CNTN4: variants seen among roughly 807,000 people sequenced by gnomAD.
CNTN4 encodes the protein contactin-4.
CNTN4 carries 77 observed loss-of-function variants against 122.5 expected under a neutral mutation model. The observed-to-expected ratio is 0.63, with a 90% CI of 0.52 to 0.76. The LOEUF is 0.76. Ranked by LOEUF, CNTN4 falls within the 30% of genes least tolerant of loss-of-function variation. The pLI is 0.00. For missense variants in CNTN4, 1,256 were observed against 1,259.1 expected, an observed-to-expected ratio of 1.00 and a Z score of 0.04; for synonymous variants, 512 against 447.0, an observed-to-expected ratio of 1.15 and a Z score of -1.83.
At chr3:2,882,192 G>C in intron 8 of CNTN4, among the ~76,000 whole-genome samples, 1 of 151,996 alleles carries the variant, frequency 6.6e-6, no homozygotes, top group South Asian at 2.1e-4. Context: ...GTGAAACCCC[G>C]TCTCCACTAA....
chr3:2,802,857 A>G (rs2092380961), intron 6 of CNTN4, among the ~76,000 whole-genome samples: 1 of 137,838 alleles, frequency 7.3e-6, no homozygotes, highest in Non-Finnish European at 1.7e-5. Flanking sequence ...CAAAACTTTA[A>G]TACTTTTAGA....
chr3:2,158,248 A>C (rs945161968), intron 2 of CNTN4, among the ~76,000 whole-genome samples: 1 of 152,260 alleles, frequency 6.6e-6, no homozygotes, highest in African/African-American at 2.4e-5. Flanking sequence ...TTTCCCCAAA[A>C]GTATTAATGT....
chr3:2,905,006 G>A (rs1381436072), intron 12 of CNTN4, among the ~76,000 whole-genome samples: 2 of 152,234 alleles, frequency 1.3e-5, no homozygotes, highest in East Asian at 3.9e-4. Context: ...CCTACCCATA[G>A]CTGAAAATAA....
At chr3:2,609,333 G>C (rs1327586263) in intron 4 of CNTN4, among the ~76,000 whole-genome samples, 1 of 152,218 alleles carries the variant, frequency 6.6e-6, no homozygotes, top group South Asian at 2.1e-4. Context: ...TGAGGACACG[G>C]TATTCAAGGT....
chr3:2,621,880 T>C (rs1353872417), intron 4 of CNTN4, among the ~76,000 whole-genome samples: 4 of 152,126 alleles, frequency 2.6e-5, no homozygotes, highest in Non-Finnish European at 5.9e-5. Flanking sequence ...ATTGATGTTC[T>C]CTCTGGGATC....
At chr3:2,650,654 G>T (rs887972814) in intron 4 of CNTN4, among the ~76,000 whole-genome samples, 4 of 152,192 alleles carry the variant, frequency 2.6e-5, no homozygotes, top group Non-Finnish European at 5.9e-5. Context: ...TGATCAGTCA[G>T]CAGCCATCTT....
intron 4 of CNTN4, among the ~76,000 whole-genome samples, chr3:2,573,986 G>T (rs1317585986): frequency 6.6e-6 from 1 of 152,282 alleles, no homozygotes; most frequent in South Asian, 2.1e-4. Flanking sequence ...GGAGGCCGAG[G>T]TGGGTGGATA....
intron 2 of CNTN4, among the ~76,000 whole-genome samples, chr3:2,322,462 A>T (rs898522961): frequency 2.6e-5 from 4 of 152,200 alleles, no homozygotes; most frequent in African/African-American, 9.6e-5. Flanking sequence ...AACTATATCA[A>T]ATATCACATG....
chr3:2,137,267 A>G (rs1173047240), intron 2 of CNTN4, among the ~76,000 whole-genome samples: 3 of 152,218 alleles, frequency 2.0e-5, no homozygotes, highest in Non-Finnish European at 4.4e-5. Context: ...ATATTGCTCT[A>G]CTTAAGGTTA....
At chr3:2,169,617 T>A (rs1159324362) in intron 2 of CNTN4, among the ~76,000 whole-genome samples, 3 of 151,830 alleles carry the variant, frequency 2.0e-5, no homozygotes, top group African/African-American at 7.3e-5. Context: ...CAGGATGGTC[T>A]CGATCTCCTG....
At chr3:2,680,110 C>A (rs541554889) in intron 4 of CNTN4, among the ~76,000 whole-genome samples, 1 of 152,260 alleles carries the variant, frequency 6.6e-6, no homozygotes, top group East Asian at 1.9e-4. Flanking sequence ...AAGTGAATCC[C>A]TGCCTTCAGC....
At chr3:2,906,290 TAAC>T (rs972846464) in intron 12 of CNTN4, among the ~76,000 whole-genome samples, 7 of 152,170 alleles carry the variant, frequency 4.6e-5, no homozygotes, top group Non-Finnish European at 1.0e-4. Flanking sequence ...TTATAGTTAA[TAAC>T]AAGATATCGT....
chr3:2,908,237 G>A (rs1293044795), intron 12 of CNTN4, among the ~76,000 whole-genome samples: 1 of 152,164 alleles, frequency 6.6e-6, no homozygotes, highest in Non-Finnish European at 1.5e-5. Flanking sequence ...AGATAACTAA[G>A]TTAGGTATTT....
At chr3:2,331,280 A>G (rs2043710606) in intron 2 of CNTN4, among the ~76,000 whole-genome samples, 2 of 152,120 alleles carry the variant, frequency 1.3e-5, no homozygotes, top group South Asian at 4.1e-4. Context: ...ATATAGAGGC[A>G]GTTCAGGTAG....
chr3:2,391,175 G>T (rs2046429239), intron 3 of CNTN4, among the ~76,000 whole-genome samples: 1 of 152,148 alleles, frequency 6.6e-6, no homozygotes, highest in South Asian at 2.1e-4. Flanking sequence ...TGTTTATGGG[G>T]TTGGATACTT....
intron 13 of CNTN4, among the ~76,000 whole-genome samples, chr3:2,929,109 A>G (rs1487176454): frequency 6.6e-6 from 1 of 152,226 alleles, no homozygotes; most frequent in Non-Finnish European, 1.5e-5. Context: ...ATCCATAAAC[A>G]TAAAACATTT....
intron 2 of CNTN4, among the ~76,000 whole-genome samples, chr3:2,223,835 A>G (rs1383303790): frequency 6.6e-6 from 1 of 152,092 alleles, no homozygotes. Context: ...AAAAACCCTA[A>G]TTACATATGT....
rs1333009700 is a variant in CNTN4 at position 2,334,572 on chromosome 3, C to CGT, written c.-144-4604_-144-4603dup. Among the ~76,000 whole-genome samples the CGT allele has an allele frequency of 1.1e-4, 16 of 141,776 alleles. No homozygotes were observed. The South Asian group carries it at 2.1e-3, about 19-fold the overall frequency. 93.0% of individuals were successfully genotyped at this position (141,776 alleles called of 152,430 possible). On this transcript the variant is annotated intron_variant, in intron 2 of 24. Coordinates refer to ENST00000418658, the MANE Select transcript of CNTN4 (RefSeq NM_175607.3). ...TTGGTTGAGTTCATGCAGCAAATAA[C>CGT]GTGGTAAAGCTTAGACTCAAATATG...
At chr3:2,280,227 T>C (rs1397276720) in intron 2 of CNTN4, among the ~76,000 whole-genome samples, 2 of 152,190 alleles carry the variant, frequency 1.3e-5, no homozygotes, top group African/African-American at 4.8e-5. Flanking sequence ...CCCAAAGTGC[T>C]GGGATTACAG....
Sources: gnomAD v4.1 joint callset for allele counts (sites outside exome capture counted in the v4.1 genomes callset) on GRCh38, gnomAD v4.1.1 for gene constraint, MANE v1.5 for transcripts, NCBI Gene and HGNC (gene_info 2026-07-23, HGNC 2026-07-21) for gene names.